THADA: variants seen among roughly 807,000 people sequenced by gnomAD.
THADA encodes the protein THADA armadillo repeat containing.
A neutral mutation model predicts 219.8 loss-of-function variants in THADA; 213 were observed. The observed-to-expected ratio is 0.97, with a 90% CI of 0.87 to 1.09. The LOEUF is 1.09. Among genes scored for constraint, THADA ranks in the 50% least tolerant of loss-of-function variants. The probability of loss-of-function intolerance (pLI) is 0.00; values close to 1 mark genes in which losing one functional copy is unlikely to be tolerated. For synonymous variants in THADA, 1,018 were observed against 828.9 expected, an observed-to-expected ratio of 1.23 and a Z score of -3.92; for missense variants, 2,956 against 2,311.3, an observed-to-expected ratio of 1.28 and a Z score of -5.72.
intron 36 of THADA, among the ~76,000 whole-genome samples, chr2:43,272,801 T>A (rs938978632): frequency 2.0e-5 from 3 of 151,882 alleles, no homozygotes; most frequent in Non-Finnish European, 4.4e-5. Context: ...ATTTTTAAAT[T>A]TTTTTGAAGA....
intron 35 of THADA, among the ~76,000 whole-genome samples, chr2:43,282,904 T>A (rs1246488977): frequency 6.6e-6 from 1 of 152,206 alleles, no homozygotes; most frequent in Non-Finnish European, 1.5e-5. Context: ...AGATAAGATC[T>A]GTACATCCAT....
At chr2:43,508,197 C>G (rs748282484) in intron 23 of THADA, among the ~76,000 whole-genome samples, 1 of 151,926 alleles carries the variant, frequency 6.6e-6, no homozygotes, top group Non-Finnish European at 1.5e-5. Context: ...CTATTATGAT[C>G]ATGATTATTT....
intron 25 of THADA, among the ~76,000 whole-genome samples, chr2:43,490,932 G>A (rs1002249447): frequency 6.6e-6 from 1 of 152,082 alleles, no homozygotes; most frequent in African/African-American, 2.4e-5. Flanking sequence ...TACATACTCT[G>A]TTTTAGAATT....
intron 28 of THADA, among the ~76,000 whole-genome samples, chr2:43,413,494 C>T (rs1238048938): frequency 2.0e-5 from 3 of 152,256 alleles, no homozygotes; most frequent in African/African-American, 7.2e-5. Context: ...TTAATGGCTG[C>T]CAGATACCAC....
intron 22 of THADA, among the ~76,000 whole-genome samples, chr2:43,513,166 A>C (rs1478002670): frequency 6.6e-6 from 1 of 152,190 alleles, no homozygotes; most frequent in Non-Finnish European, 1.5e-5. Context: ...ATGTCTAATA[A>C]GTTCTTAATG....
At chr2:43,564,712 A>G (rs1186160460) in intron 15 of THADA, 2 of 152,204 alleles carry the variant, frequency 1.3e-5, no homozygotes, top group African/African-American at 4.8e-5. Flanking sequence ...TATTATAAAA[A>G]CTGGAACAAG....
At chr2:43,283,430 C>T (rs1359768063) in intron 35 of THADA, among the ~76,000 whole-genome samples, 2 of 152,158 alleles carry the variant, frequency 1.3e-5, no homozygotes, top group African/African-American at 2.4e-5. Flanking sequence ...CAGAAAAAGA[C>T]AGGAAGATGT....
chr2:43,397,389 T>C (rs1313099251), intron 29 of THADA, among the ~76,000 whole-genome samples: 1 of 152,214 alleles, frequency 6.6e-6, no homozygotes, highest in Non-Finnish European at 1.5e-5. Flanking sequence ...AAAAAGTCTC[T>C]TTCTCATTTA....
chr2:43,396,393 T>C (rs900437819), intron 29 of THADA, among the ~76,000 whole-genome samples: 3 of 152,240 alleles, frequency 2.0e-5, no homozygotes, highest in Non-Finnish European at 4.4e-5. Flanking sequence ...ACATCATGAC[T>C]GCCTATTTTC....
At chr2:43,404,727 A>AG (rs1489328079) in intron 28 of THADA, among the ~76,000 whole-genome samples, 1 of 152,188 alleles carries the variant, frequency 6.6e-6, no homozygotes, top group Non-Finnish European at 1.5e-5. Flanking sequence ...CGCATAGGAC[A>AG]GGGACTTAAG....
intron 15 of THADA, chr2:43,563,916 T>C (rs1020754331): frequency 6.6e-6 from 1 of 152,226 alleles, no homozygotes; most frequent in Middle Eastern, 3.2e-3. Flanking sequence ...CTCCCAGTTG[T>C]CTAACATAAT....
In THADA at chr2:43,489,874, C is replaced by CAAAAAAAAA. The variant is rs201735523; in HGVS notation, c.3745-4558_3745-4550dup. ...ATTTCCATATGTATTTTAAGATCTG[C>CAAAAAAAAA]AAAAAAAAAAAAAAAAAAAAGCTAG... On this transcript the variant is annotated intron_variant, in intron 25 of 37. Coordinates refer to ENST00000405975, the MANE Select transcript of THADA (RefSeq NM_022065.5). 5.5e-3 allele frequency among the ~76,000 whole-genome samples: 308 copies of CAAAAAAAAA among 56,032 alleles called. 21 individuals are homozygous for CAAAAAAAAA. The highest frequency in any genetic ancestry group is 0.019 in the African/African-American group (283 of 14,990). 36.8% of individuals were successfully genotyped at this position (56,032 alleles called of 152,430 possible). A position where few individuals can be genotyped will look rare whatever the true frequency, so the allele number is the denominator to read the frequency against.
chr2:43,359,833 A>C (rs1007769462), intron 29 of THADA, among the ~76,000 whole-genome samples: 9 of 150,980 alleles, frequency 6.0e-5, no homozygotes, highest in Non-Finnish European at 1.3e-4. Context: ...TGTGTTGCCC[A>C]GGCTGGACTC....
intron 31 of THADA, among the ~76,000 whole-genome samples, chr2:43,293,514 G>A (rs1412797579): frequency 6.6e-6 from 1 of 151,958 alleles, no homozygotes; most frequent in Non-Finnish European, 1.5e-5. Context: ...TCTTATCACC[G>A]AGCCTCAAAG....
chr2:43,577,609 G>A (rs1699998231), intron 9 of THADA, among the ~76,000 whole-genome samples: 1 of 151,420 alleles, frequency 6.6e-6, no homozygotes, highest in African/African-American at 2.4e-5. Context: ...TACTTTGTGT[G>A]ATCTCATAAT....
intron 31 of THADA, among the ~76,000 whole-genome samples, chr2:43,303,438 A>G (rs1286954100): frequency 6.6e-6 from 1 of 152,096 alleles, no homozygotes; most frequent in African/African-American, 2.4e-5. Flanking sequence ...ATGGCATCAT[A>G]CTTAGCATGT....
At chr2:43,570,361 T>A in intron 14 of THADA, 27 bp downstream of exon 14, 2 of 1,569,600 alleles carry the variant, frequency 1.3e-6, no homozygotes, top group Non-Finnish European at 1.7e-6. Flanking sequence ...AAAAAAAAAC[T>A]CTCATGTTTA....
chr2:43,517,554 T>C lies in THADA; in HGVS notation c.3375-8774A>G, dbSNP rs1048601307. ...CACTTTGTTAGGTTAAAGAACAAAG[T>C]GGCAGCTTAGAAAGGAATAGTATAC... On this transcript the variant is annotated intron_variant, in intron 22 of 37. Transcript: ENST00000405975. Among the ~76,000 whole-genome samples, 3 of 152,136 alleles carry C rather than the reference T, an allele frequency of 2.0e-5. No homozygotes were observed. The East Asian group carries it at 5.8e-4, about 29-fold the overall frequency.
At chr2:43,355,127 T>A (rs369959510) in intron 29 of THADA, among the ~76,000 whole-genome samples, 50 of 152,344 alleles carry the variant, frequency 3.3e-4, no homozygotes, top group African/African-American at 1.2e-3. Context: ...ACCATTCATC[T>A]GCTGATGGAC....
Sources: gnomAD v4.1 joint callset for allele counts (sites outside exome capture counted in the v4.1 genomes callset) on GRCh38, gnomAD v4.1.1 for gene constraint, MANE v1.5 for transcripts, NCBI Gene and HGNC (gene_info 2026-07-23, HGNC 2026-07-21) for gene names.